PSIP1: variants seen among roughly 807,000 people sequenced by gnomAD.
PSIP1 encodes PC4 and SFRS1-interacting protein.
In PSIP1, 19 loss-of-function variants were observed where a neutral mutation model predicts 74.7. That is an observed-to-expected ratio of 0.25 (90% CI 0.18 to 0.37). The LOEUF (loss-of-function observed/expected upper bound fraction) is 0.37. Ranked by LOEUF, PSIP1 falls within the 10% of genes least tolerant of loss-of-function variation. PSIP1 has a pLI of 1.00. For synonymous variants in PSIP1, 222 were observed against 195.3 expected (o/e 1.14, Z -1.14); for missense variants, 601 against 614.3 (o/e 0.98, Z 0.23).
intron 2 of PSIP1, among the ~76,000 whole-genome samples, chr9:15,507,263 C>G (rs750371522): frequency 1.3e-5 from 2 of 152,184 alleles, no homozygotes; most frequent in Admixed American, 6.5e-5. Context: ...CAGGTGCTGT[C>G]ACGTCTAATA....
chr9:15,486,601 C>T (rs1432244210), intron 5 of PSIP1, among the ~76,000 whole-genome samples: 1 of 152,158 alleles, frequency 6.6e-6, no homozygotes, highest in East Asian at 1.9e-4. Flanking sequence ...TCATGTTTTA[C>T]ATATAAAAAT....
intron 6 of PSIP1, among the ~76,000 whole-genome samples, chr9:15,482,238 AC>A (rs2036369242): frequency 6.6e-6 from 1 of 152,060 alleles, no homozygotes; most frequent in African/African-American, 2.4e-5. Context: ...AGGTTACTAT[AC>A]AATTCTACCT....
chr9:15,490,405 A>T (rs965221691), intron 3 of PSIP1, among the ~76,000 whole-genome samples: 4 of 152,156 alleles, frequency 2.6e-5, no homozygotes, highest in Admixed American at 2.0e-4. Context: ...TTACATCGCC[A>T]TGCGTGGTGC....
At chr9:15,468,122 T>TAAA (rs200766985) in intron 14 of PSIP1, among the ~76,000 whole-genome samples, 2,303 of 77,506 alleles carry the variant, frequency 0.03, 72 homozygotes, top group African/African-American at 0.076. Context: ...ACTCCATCTT[T>TAAA]TAAAAAAAAA....
intron 3 of PSIP1, among the ~76,000 whole-genome samples, chr9:15,492,428 G>T (rs557581159): frequency 7.9e-5 from 12 of 152,340 alleles, no homozygotes; most frequent in African/African-American, 2.6e-4. Flanking sequence ...TCATGCAAAT[G>T]CAAGAGGTGA....
intron 15 of PSIP1, among the ~76,000 whole-genome samples, chr9:15,466,386 AAACAAC>A (rs143901249): frequency 3.0e-4 from 45 of 152,116 alleles, no homozygotes; most frequent in South Asian, 6.2e-4. Context: ...CTCAAAGAAA[AAACAAC>A]AACAACAAAA....
intron 3 of PSIP1, among the ~76,000 whole-genome samples, chr9:15,503,799 T>G (rs991026990): frequency 1.3e-5 from 2 of 152,036 alleles, no homozygotes; most frequent in Admixed American, 6.5e-5. Flanking sequence ...CAGGCTGGAG[T>G]GCAATGGCAC....
At chr9:15,497,214 AAGTAG>A (rs59647524) in intron 3 of PSIP1, among the ~76,000 whole-genome samples, 38,275 of 151,666 alleles carry the variant, frequency 0.25, 8,566 homozygotes, top group African/African-American at 0.61. Flanking sequence ...TGACAATAAA[AAGTAG>A]AGTAGTAATG....
chr9:15,487,764 C>CACT (rs1463415942), intron 4 of PSIP1, among the ~76,000 whole-genome samples: 6 of 152,294 alleles, frequency 3.9e-5, no homozygotes, highest in African/African-American at 1.4e-4. Flanking sequence ...ATTCTTCTCA[C>CACT]ACGTGTACAT....
At chr9:15,478,635 A>G (rs1440624510) in intron 7 of PSIP1, 83 bp from the exon 8 acceptor site, 6 of 953,140 alleles carry the variant, frequency 6.3e-6, no homozygotes, top group African/African-American at 4.9e-5. Context: ...TAGAAATGAT[A>G]CATACTATTT....
At chr9:15,499,857 G>C (rs1031072928) in intron 3 of PSIP1, among the ~76,000 whole-genome samples, 3 of 145,918 alleles carry the variant, frequency 2.1e-5, no homozygotes, top group Non-Finnish European at 4.5e-5. Context: ...CTGGACCACA[G>C]AGCAAGAGAC....
rs1199743722 is a variant in PSIP1 at position 15,490,063 on chromosome 9, G to C, written c.211C>G (p.Pro71Ala). 7.5e-6 allele frequency: 12 copies of C among 1,602,624 alleles called. No homozygotes were observed. The highest frequency in any genetic ancestry group is 2.3e-5 in the East Asian group (1 of 44,262). Reference sequence around the variant, plus strand: ...TCATTAAAACCTTTTCTTTTATTTGGTTTGCCATACTTTTCCTTATTTTCT... The same window carrying C: ...TCATTAAAACCTTTTCTTTTATTTGCTTTGCCATACTTTTCCTTATTTTCT... Reference protein sequence around the residue: ...YSENKEKYGKPNKRKGFNEGL... With the variant: ...YSENKEKYGKANKRKGFNEGL... Residue 71 changes from proline (P) to alanine (A), a missense_variant, in exon 4 of 16, where the codon CCA becomes GCA. By Grantham distance (27) the Pro-to-Ala change is conservative (BLOSUM62 -1). Around this residue, in one of 2 missense-constraint regions of PSIP1, gnomAD observed 63 missense variants for 106.7 expected, o/e 0.59. Transcript: ENST00000380733.
At position 15,490,009 on chromosome 9, in the gene PSIP1, T is replaced by C. The variant is rs1254988648; in HGVS notation, c.265A>G (p.Lys89Glu). The C allele has an allele frequency of 2.5e-6, 4 of 1,583,248 alleles. No individual in the cohort carries two copies. The highest frequency in any genetic ancestry group is 1.9e-5 in the Admixed American group (1 of 53,150). ...ACCTGTTGACTTGAAAATTTCACTT[T>C]TGGATTGTTATCTATCTCCCATAAA... ...EGLWEIDNNP[K>E]VKFSSQQAAT... Residue 89 changes from lysine (K) to glutamate (E), a missense_variant, in exon 4 of 16, where the codon AAA becomes GAA. Lys to Glu is a moderately conservative substitution (Grantham distance 56, BLOSUM62 1). Around this residue, in one of 2 missense-constraint regions of PSIP1, gnomAD observed 538 missense variants for 507.6 expected, o/e 1.06. Coordinates refer to ENST00000380733, the MANE Select transcript of PSIP1 (RefSeq NM_033222.5).
chr9:15,471,718 C>A, intron 10 of PSIP1: 1 of 965,292 alleles, frequency 1.0e-6, no homozygotes. Flanking sequence ...CAGAGTAAAA[C>A]GCTGTACTTG....
Position 15,465,512 on chromosome 9 carries a change from A to C in PSIP1, c.*8T>G. On this transcript the variant is annotated 3_prime_UTR_variant, in exon 16 of 16. Coordinates refer to ENST00000380733, the MANE Select transcript of PSIP1 (RefSeq NM_033222.5). ...CTCAAGTGTTCTCTATATTCCAGGT[A>C]TGTCAACCTAGTTATCTAGTGTAGA... 1 of 1,537,718 alleles carries C rather than the reference A, an allele frequency of 6.5e-7. No individual in the cohort carries two copies. Among genetic ancestry groups the C allele is most frequent in the Non-Finnish European group, 8.9e-7 (1 of 1,119,966 alleles).
At position 15,497,515 on chromosome 9, in the gene PSIP1, T is replaced by C. The variant is rs139920370; in HGVS notation, c.150-7391A>G. On this transcript the variant is annotated intron_variant, in intron 3 of 15. Transcript: ENST00000380733. ...CTACTTTTTATATTTTTAGTAGAGA[T>C]GGGGTTTCACCATGTTGTCCAGGCT... Among the ~76,000 whole-genome samples, 1,430 of 151,982 alleles carry C rather than the reference T, an allele frequency of 9.4e-3. 12 individuals carry two copies. The highest frequency in any genetic ancestry group is 0.015 in the Non-Finnish European group (1,021 of 67,960).
chr9:15,495,147 T>C (rs761998704), intron 3 of PSIP1, among the ~76,000 whole-genome samples: 11 of 152,142 alleles, frequency 7.2e-5, no homozygotes, highest in Non-Finnish European at 1.5e-4. Context: ...GGGCTCAAAA[T>C]TGGGGTGACC....
At chr9:15,510,590 C>G (rs966649028) in intron 1 of PSIP1, among the ~76,000 whole-genome samples, 4 of 152,076 alleles carry the variant, frequency 2.6e-5, no homozygotes, top group African/African-American at 9.7e-5. Context: ...CTTTTTCCAC[C>G]GAGCTTAAGC....
Position 15,469,344 on chromosome 9 carries a change from TTAAAA to T in PSIP1, c.1034-13_1034-9del. 1 of 1,533,080 alleles carries T rather than the reference TTAAAA, an allele frequency of 6.5e-7. No individual in the cohort carries two copies. Among genetic ancestry groups the T allele is most frequent in the Non-Finnish European group, 8.9e-7 (1 of 1,125,808 alleles). 95.0% of individuals were successfully genotyped at this position (1,533,080 alleles called of 1,614,324 possible). On this transcript the variant is annotated splice_polypyrimidine_tract_variant and intron_variant, in intron 11 of 15. Transcript: ENST00000380733. ...GAGAATCCATTGATGTTTCTACAAA[TTAAAA>T]TATGTGAAAAACAGTGAACAGTTTT...
Sources: gnomAD v4.1 joint callset for allele counts (sites outside exome capture counted in the v4.1 genomes callset) on GRCh38, gnomAD v4.1.1 for gene constraint, gnomAD v4.1.1 regional missense constraint, MANE v1.5 for transcripts, NCBI Gene and HGNC (gene_info 2026-07-23, HGNC 2026-07-21) for gene names.